CPNE8: variants seen among roughly 807,000 people sequenced by gnomAD.
CPNE8 encodes copine-8.
CPNE8 carries 45 observed loss-of-function variants against 81.5 expected under a neutral mutation model. That is an observed-to-expected ratio of 0.55 (90% CI 0.44 to 0.71). The LOEUF (loss-of-function observed/expected upper bound fraction) is 0.71, where lower values mean the gene tolerates loss of function less well. Ranked by LOEUF, CPNE8 falls within the 30% of genes least tolerant of loss-of-function variation. The probability of loss-of-function intolerance (pLI) is 0.00; values close to 1 mark genes in which losing one functional copy is unlikely to be tolerated. For synonymous variants in CPNE8, 252 were observed against 226.3 expected (o/e 1.11, Z -1.02); for missense variants, 594 against 672.1 (o/e 0.88, Z 1.28).
chr12:38,765,560 A>G (rs949399322), intron 8 of CPNE8, among the ~76,000 whole-genome samples: 1 of 152,170 alleles, frequency 6.6e-6, no homozygotes, highest in Admixed American at 6.5e-5. Flanking sequence ...AAATAGTCCC[A>G]TATTAAAAAA....
At chr12:38,741,341 C>T (rs1440143368) in intron 10 of CPNE8, among the ~76,000 whole-genome samples, 3 of 151,866 alleles carry the variant, frequency 2.0e-5, no homozygotes, top group African/African-American at 4.8e-5. Flanking sequence ...GAGATATAGA[C>T]CAATGGAACA....
At chr12:38,851,112 A>C (rs1040647045) in intron 3 of CPNE8, among the ~76,000 whole-genome samples, 2 of 152,196 alleles carry the variant, frequency 1.3e-5, no homozygotes, top group African/African-American at 4.8e-5. Flanking sequence ...CCCAGACTTC[A>C]GAACTGTGAG....
chr12:38,901,260 A>G (rs888136926), intron 1 of CPNE8, among the ~76,000 whole-genome samples: 7 of 152,166 alleles, frequency 4.6e-5, no homozygotes, highest in Non-Finnish European at 7.4e-5. Context: ...TTATAGGATT[A>G]TTTCTGTGAC....
In CPNE8 at chr12:38,739,336, G is replaced by A. The variant is rs114031272; in HGVS notation, c.723-8978C>T. ...TTATATACTTTTTCAACCAAATGAG[G>A]CTCCCGGAAACTATGAAGTAAAATT... On this transcript the variant is annotated intron_variant, in intron 10 of 19. Transcript: ENST00000331366. Among the ~76,000 whole-genome samples, 713 of 152,040 alleles carry A rather than the reference G, an allele frequency of 4.7e-3. 5 individuals carry two copies. Among genetic ancestry groups the A allele is most frequent in the African/African-American group, 0.016 (662 of 41,474 alleles).
chr12:38,687,374 C>CT (rs61259310), intron 15 of CPNE8, among the ~76,000 whole-genome samples: 11,552 of 58,690 alleles, frequency 0.2, 1,359 homozygotes, highest in African/African-American at 0.37. Flanking sequence ...CCAAGACTTT[C>CT]TTTTTTTTTT....
intron 6 of CPNE8, among the ~76,000 whole-genome samples, chr12:38,828,192 G>A (rs1395152579): frequency 1.3e-5 from 2 of 152,158 alleles, no homozygotes; most frequent in African/African-American, 4.8e-5. Context: ...GTGAGCATAA[G>A]TCACTAGAAT....
At chr12:38,690,104 C>T (rs1565568794) in intron 15 of CPNE8, among the ~76,000 whole-genome samples, 1 of 152,014 alleles carries the variant, frequency 6.6e-6, no homozygotes. Flanking sequence ...GACTCCCTTG[C>T]TATCCAAAAG....
intron 13 of CPNE8, among the ~76,000 whole-genome samples, chr12:38,706,378 A>C (rs1940106183): frequency 6.6e-6 from 1 of 152,068 alleles, no homozygotes; most frequent in Non-Finnish European, 1.5e-5. Context: ...TGATAAAGGA[A>C]GTTTTGGTTT....
intron 6 of CPNE8, among the ~76,000 whole-genome samples, chr12:38,811,319 GACTAA>G (rs1366130321): frequency 6.6e-6 from 1 of 151,820 alleles, no homozygotes; most frequent in Non-Finnish European, 1.5e-5. Flanking sequence ...ATGAGAAAAA[GACTAA>G]ACTACAACAA....
At chr12:38,703,820 A>C (rs550584857) in intron 13 of CPNE8, among the ~76,000 whole-genome samples, 1 of 152,122 alleles carries the variant, frequency 6.6e-6, no homozygotes, top group African/African-American at 2.4e-5. Flanking sequence ...TGAGGGCCAA[A>C]TGAAGAATGC....
intron 6 of CPNE8, among the ~76,000 whole-genome samples, chr12:38,818,862 T>A (rs1943068413): frequency 6.6e-6 from 1 of 152,242 alleles, no homozygotes; most frequent in Non-Finnish European, 1.5e-5. Context: ...GTGGTTTTGA[T>A]TTGCATTTCT....
At chr12:38,874,438 T>A (rs771245572) in intron 2 of CPNE8, 33 bp downstream of exon 2, 1 of 1,543,026 alleles carries the variant, frequency 6.5e-7, no homozygotes, top group East Asian at 2.3e-5. Flanking sequence ...CAAAATCAAA[T>A]GATTTTTCAA....
intron 10 of CPNE8, among the ~76,000 whole-genome samples, chr12:38,757,159 G>A (rs1941479117): frequency 6.6e-6 from 1 of 151,876 alleles, no homozygotes. Context: ...TTAATAAGAA[G>A]AATTAAAAGT....
intron 13 of CPNE8, among the ~76,000 whole-genome samples, chr12:38,703,240 C>A (rs906310311): frequency 6.6e-6 from 1 of 152,126 alleles, no homozygotes; most frequent in African/African-American, 2.4e-5. Context: ...ATTTTCCAGC[C>A]TCAATGCCAT....
intron 10 of CPNE8, among the ~76,000 whole-genome samples, chr12:38,753,222 C>T (rs976823860): frequency 2.6e-5 from 4 of 152,028 alleles, no homozygotes; most frequent in Non-Finnish European, 4.4e-5. Flanking sequence ...GAGGCCGAGA[C>T]GGGTGGATCA....
chr12:38,659,321 A>G (rs933743062), intron 19 of CPNE8, among the ~76,000 whole-genome samples: 5 of 152,208 alleles, frequency 3.3e-5, no homozygotes, highest in African/African-American at 4.8e-5. Flanking sequence ...ACATAATGGT[A>G]AAGGGATCAA....
chr12:38,703,527 A>G (rs1940006999), intron 13 of CPNE8, among the ~76,000 whole-genome samples: 1 of 152,124 alleles, frequency 6.6e-6, no homozygotes, highest in African/African-American at 2.4e-5. Context: ...ACTGGAAACA[A>G]TCCTCTTGAG....
intron 3 of CPNE8, among the ~76,000 whole-genome samples, chr12:38,850,383 C>A (rs927523377): frequency 2.0e-5 from 3 of 152,126 alleles, no homozygotes; most frequent in East Asian, 3.9e-4. Context: ...CATTGAGGTG[C>A]AGCCAGCAAC....
At chr12:38,900,776 AC>A (rs1169035400) in intron 1 of CPNE8, among the ~76,000 whole-genome samples, 5 of 152,166 alleles carry the variant, frequency 3.3e-5, no homozygotes, top group Non-Finnish European at 7.3e-5. Flanking sequence ...TGTTTATCAG[AC>A]TATATACAGT....
Sources: allele counts gnomAD v4.1 joint callset (sites outside exome capture counted in the v4.1 genomes callset), GRCh38; gene constraint gnomAD v4.1.1; transcripts MANE v1.5; gene names NCBI Gene and HGNC (gene_info 2026-07-23, HGNC 2026-07-21).